PTPRD: variants seen among roughly 807,000 people sequenced by gnomAD.
PTPRD encodes the protein protein tyrosine phosphatase receptor type D.
Under a neutral mutation model 214.5 loss-of-function variants are expected in PTPRD, and 34 were observed. The ratio of observed to expected loss-of-function variants is 0.16; its 90% CI spans 0.12 to 0.21. The LOEUF (loss-of-function observed/expected upper bound fraction) is 0.21, where lower values mean the gene tolerates loss of function less well. Ranked by LOEUF, PTPRD falls within the 10% of genes least tolerant of loss-of-function variation. The pLI, the probability that PTPRD is intolerant of heterozygous loss-of-function variation, is 1.00. For missense variants in PTPRD, 2,545 were observed against 2,398.7 expected, an observed-to-expected ratio of 1.06 and a Z score of -1.27; for synonymous variants, 1,128 against 845.7, an observed-to-expected ratio of 1.33 and a Z score of -5.79.
rs149050602 is a variant in PTPRD at position 9,650,435 on chromosome 9, T to C, written c.-286-75654A>G. ...TACTTGATTATGGTGGATAAGCTTT[T>C]AGATGTGGTACTAAATTTGGTTTGC... On this transcript the variant is annotated intron_variant, in intron 7 of 45. Coordinates refer to ENST00000381196, the MANE Select transcript of PTPRD (RefSeq NM_002839.4). 1.5e-4 allele frequency among the ~76,000 whole-genome samples: 23 copies of C among 152,328 alleles called. No homozygotes were observed. The East Asian group carries it at 3.1e-3, about 20-fold the overall frequency.
intron 7 of PTPRD, among the ~76,000 whole-genome samples, chr9:9,599,932 A>C (rs2093629318): frequency 6.6e-6 from 1 of 152,096 alleles, no homozygotes; most frequent in African/African-American, 2.4e-5. Context: ...AAATATGTCA[A>C]CTGACAGAAT....
intron 10 of PTPRD, among the ~76,000 whole-genome samples, chr9:9,156,598 C>T (rs2099881391): frequency 6.6e-6 from 1 of 152,054 alleles, no homozygotes; most frequent in Admixed American, 6.6e-5. Context: ...AAATATATGG[C>T]TGAGGAGATT....
At chr9:10,590,959 G>A (rs777379937) in intron 2 of PTPRD, among the ~76,000 whole-genome samples, 39 of 151,352 alleles carry the variant, frequency 2.6e-4, no homozygotes, top group Non-Finnish European at 5.0e-4. Flanking sequence ...CCTAAATAAA[G>A]CTGATTTAAG....
Position 8,713,834 on chromosome 9 carries a change from T to A in PTPRD, c.64+19946A>T. ...TTCACCACCAAGAGGCCCAACACCT[T>A]CTTCTAGGTGCAGGGCCCTCGCCCG... On this transcript the variant is annotated intron_variant, in intron 12 of 45. Transcript: ENST00000381196. 4.0e-6 allele frequency: 6 copies of A among 1,482,208 alleles called. No homozygotes were observed. In the South Asian group the frequency reaches 7.2e-5, roughly 18 times the overall value. The allele number at this position is 1,482,208 out of a possible 1,614,324, so 91.8% of individuals were successfully genotyped here.
chr9:9,923,122 G>GTAT (rs34077612), intron 5 of PTPRD, among the ~76,000 whole-genome samples: 1 of 146,538 alleles, frequency 6.8e-6, no homozygotes, highest in South Asian at 2.1e-4. Flanking sequence ...TGTGTGTGGG[G>GTAT]GGTGTGTGTG....
intron 9 of PTPRD, among the ~76,000 whole-genome samples, chr9:9,188,633 G>A (rs914874759): frequency 3.9e-5 from 6 of 152,042 alleles, no homozygotes; most frequent in African/African-American, 1.4e-4. Context: ...CAGTTGACTG[G>A]TAGAAGAATG....
chr9:9,234,679 G>C (rs2099965420), intron 9 of PTPRD, among the ~76,000 whole-genome samples: 2 of 152,072 alleles, frequency 1.3e-5, no homozygotes, highest in African/African-American at 2.4e-5. Flanking sequence ...AGATGTAAAG[G>C]ACAGGGGCAA....
In PTPRD at chr9:8,460,501, T is replaced by C. The variant is rs752003522; in HGVS notation, c.3785A>G (p.Asp1262Gly). 1.2e-6 allele frequency: 2 copies of C among 1,613,580 alleles called. No individual in the cohort carries two copies. The highest frequency in any genetic ancestry group is 1.7e-6 in the Non-Finnish European group (2 of 1,179,664). The change falls in exon 33 of 46, where the codon GAT becomes GGT. Residue 1262 changes from aspartate to glycine, a missense_variant. Transcript: ENST00000381196. ...SMDLDPQPIT[D>G]EEEGLIWVVG... ...AACCCAGATCAAGCCTTCTTCTTCA[T>C]CCGTGATTGGCTGCGGATCCAGATC... is the stretch of plus-strand genomic sequence containing the variant.
chr9:9,801,363 T>A (rs934886314), intron 5 of PTPRD, among the ~76,000 whole-genome samples: 2 of 151,878 alleles, frequency 1.3e-5, no homozygotes, highest in African/African-American at 4.8e-5. Flanking sequence ...ACTTTCAGTA[T>A]AAAACAGGAA....
At chr9:9,261,224 T>C (rs1053963240) in intron 9 of PTPRD, among the ~76,000 whole-genome samples, 5 of 151,888 alleles carry the variant, frequency 3.3e-5, no homozygotes, top group African/African-American at 4.8e-5. Flanking sequence ...AGCAGAGATA[T>C]GCAAAATGAA....
intron 5 of PTPRD, among the ~76,000 whole-genome samples, chr9:9,909,776 A>ATG (rs1555318674): frequency 1.4e-4 from 19 of 135,712 alleles, no homozygotes; most frequent in African/African-American, 2.1e-4. Flanking sequence ...TGTGGATTGA[A>ATG]TGTTTTTTTT....
chr9:9,513,596 A>T, intron 8 of PTPRD, among the ~76,000 whole-genome samples: 1 of 58,812 alleles, frequency 1.7e-5, no homozygotes, highest in African/African-American at 9.9e-5. Context: ...ACAAAAAAAA[A>T]ACAAATAAAA....
intron 3 of PTPRD, among the ~76,000 whole-genome samples, chr9:10,306,897 A>G (rs2096089224): frequency 6.6e-6 from 1 of 152,136 alleles, no homozygotes; most frequent in South Asian, 2.1e-4. Flanking sequence ...TTATACAAAA[A>G]TAATAAAACC....
intron 35 of PTPRD, among the ~76,000 whole-genome samples, chr9:8,425,515 C>G (rs1329082766): frequency 6.6e-6 from 1 of 152,182 alleles, no homozygotes; most frequent in Non-Finnish European, 1.5e-5. Flanking sequence ...TTCTCATCTC[C>G]ATGCTTTTGC....
chr9:8,792,050 T>C (rs2096254368), intron 11 of PTPRD, among the ~76,000 whole-genome samples: 1 of 152,190 alleles, frequency 6.6e-6, no homozygotes, highest in South Asian at 2.1e-4. Flanking sequence ...CAATCATTTC[T>C]TAAGGGCGGA....
intron 9 of PTPRD, among the ~76,000 whole-genome samples, chr9:9,210,871 C>A (rs1331409898): frequency 6.7e-6 from 1 of 148,164 alleles, no homozygotes; most frequent in Non-Finnish European, 1.5e-5. Flanking sequence ...TTTTTTTTTT[C>A]TCTTCAATAG....
At chr9:10,450,545 G>A (rs910539938) in intron 2 of PTPRD, among the ~76,000 whole-genome samples, 3 of 151,840 alleles carry the variant, frequency 2.0e-5, no homozygotes, top group Admixed American at 1.3e-4. Context: ...TATATTTTAC[G>A]AATCCTTAGG....
chr9:8,490,611 T>G (rs2097130314), intron 27 of PTPRD, among the ~76,000 whole-genome samples: 1 of 152,120 alleles, frequency 6.6e-6, no homozygotes, highest in South Asian at 2.1e-4. Flanking sequence ...CCTCAAGAAC[T>G]CAGACAGTAA....
rs188429192 is a variant in PTPRD, at chr9:9,571,307, T to C, written c.-237+3425A>G. 3.1e-3 allele frequency among the ~76,000 whole-genome samples: 475 copies of C among 151,378 alleles called. 3 individuals are homozygous for C. The highest frequency in any genetic ancestry group is 0.011 in the African/African-American group (453 of 41,488). On this transcript the variant is annotated intron_variant, in intron 8 of 45. Coordinates refer to ENST00000381196, the MANE Select transcript of PTPRD (RefSeq NM_002839.4). ...ACAAACAAAAAAAGATATGTATGTC[T>C]CTCTCTCTCTTCTCTCTCTATATAT...
Sources: gnomAD v4.1 joint callset for allele counts (sites outside exome capture counted in the v4.1 genomes callset) on GRCh38, gnomAD v4.1.1 for gene constraint, MANE v1.5 for transcripts, NCBI Gene and HGNC (gene_info 2026-07-23, HGNC 2026-07-21) for gene names.